Variants in KCNK13 observed in about 807,000 individuals in gnomAD.
The protein encoded by KCNK13 is potassium channel subfamily K member 13.
Under a neutral mutation model 23.4 loss-of-function variants are expected in KCNK13, and 12 were observed. That is an observed-to-expected ratio of 0.51 (90% confidence interval 0.33 to 0.83). KCNK13 has a LOEUF of 0.83. Ranked by LOEUF, KCNK13 falls within the 40% of genes least tolerant of loss-of-function variation. The pLI is 0.02. For synonymous variants in KCNK13, 231 were observed against 229.5 expected, an observed-to-expected ratio of 1.01 and a Z score of -0.06; for missense variants, 463 against 556.3, an observed-to-expected ratio of 0.83 and a Z score of 1.69.
chr14:90,143,514 C>T, intron 1 of KCNK13, among the ~76,000 whole-genome samples: 1 of 152,142 alleles, frequency 6.6e-6, no homozygotes, highest in African/African-American at 2.4e-5. Context: ...CTATTGCGTT[C>T]CACTGATGTA....
At chr14:90,165,557 A>C (rs563355236) in intron 1 of KCNK13, among the ~76,000 whole-genome samples, 1 of 152,360 alleles carries the variant, frequency 6.6e-6, no homozygotes, top group South Asian at 2.1e-4. Context: ...TTCATCGGTT[A>C]CATGCCTGTG....
At chr14:90,136,562 A>G (rs868525741) in intron 1 of KCNK13, among the ~76,000 whole-genome samples, 2 of 152,306 alleles carry the variant, frequency 1.3e-5, no homozygotes, top group South Asian at 2.1e-4. Context: ...GGTTTTATTG[A>G]AAGCAAAATA....
intron 1 of KCNK13, among the ~76,000 whole-genome samples, chr14:90,091,364 T>C: frequency 6.6e-6 from 1 of 152,170 alleles, no homozygotes; most frequent in African/African-American, 2.4e-5. Context: ...ATGAACTCTA[T>C]GGCTGGCTAA....
intron 1 of KCNK13, among the ~76,000 whole-genome samples, chr14:90,126,711 T>C (rs1889805977): frequency 1.3e-5 from 2 of 152,108 alleles, no homozygotes; most frequent in South Asian, 2.1e-4. Flanking sequence ...CCCTGGCTAA[T>C]TTTTATATTT....
chr14:90,135,274 A>G (rs1368706500), intron 1 of KCNK13, among the ~76,000 whole-genome samples: 1 of 152,180 alleles, frequency 6.6e-6, no homozygotes, highest in Non-Finnish European at 1.5e-5. Context: ...CAAAGGAAAG[A>G]GGGGAAGTGT....
intron 1 of KCNK13, among the ~76,000 whole-genome samples, chr14:90,109,618 G>T (rs901599914): frequency 1.3e-5 from 2 of 151,826 alleles, no homozygotes; most frequent in African/African-American, 4.8e-5. Flanking sequence ...CACCATGTTA[G>T]CCAGGAAGGT....
chr14:90,180,360 ACT>A (rs1274904604), intron 1 of KCNK13, among the ~76,000 whole-genome samples: 1 of 151,976 alleles, frequency 6.6e-6, no homozygotes, highest in Non-Finnish European at 1.5e-5. Flanking sequence ...GCCATCTTCA[ACT>A]CTCAGCATTA....
intron 1 of KCNK13, among the ~76,000 whole-genome samples, chr14:90,089,816 G>A (rs990612825): frequency 6.6e-6 from 1 of 152,252 alleles, no homozygotes; most frequent in African/African-American, 2.4e-5. Context: ...CCAAGGTACA[G>A]CTCAGGCTGT....
chr14:90,104,036 G>C (rs930801839), intron 1 of KCNK13, among the ~76,000 whole-genome samples: 4 of 152,136 alleles, frequency 2.6e-5, no homozygotes, highest in Non-Finnish European at 5.9e-5. Context: ...TGAAGACCCT[G>C]TCTTTCCTCT....
Position 90,062,280 on chromosome 14 carries a change from G to A in KCNK13, c.75G>A (p.Ala25=), listed in dbSNP as rs764550275. ...EDNARFLLLA[A]LIVLYLLGGA... ...ACGCGCGCTTTCTGCTGCTGGCCGCGCTCATCGTGCTCTACCTGCTGGGCG... is the reference window on the plus strand; with the variant it reads ...ACGCGCGCTTTCTGCTGCTGGCCGCACTCATCGTGCTCTACCTGCTGGGCG... Residue 25 remains alanine (A), a synonymous_variant, in exon 1 of 2, where the codon GCG becomes GCA. Coordinates refer to ENST00000282146, the MANE Select transcript of KCNK13 (RefSeq NM_022054.4). This position sits in a 1 kb window ranked among gnomAD's most constrained non-coding sequence, Gnocchi z 4.5. The A allele has an allele frequency of 3.2e-6, 5 of 1,558,820 alleles. No individual in the cohort carries two copies. The East Asian group carries it at 7.2e-5, about 22-fold the overall frequency.
chr14:90,078,716 A>AG (rs1889172683), intron 1 of KCNK13, among the ~76,000 whole-genome samples: 1 of 152,140 alleles, frequency 6.6e-6, no homozygotes, highest in South Asian at 2.1e-4. Flanking sequence ...TAATGGGTGA[A>AG]GACCGAGCTC....
chr14:90,162,402 G>C (rs1890261698), intron 1 of KCNK13, among the ~76,000 whole-genome samples: 1 of 152,176 alleles, frequency 6.6e-6, no homozygotes, highest in Non-Finnish European at 1.5e-5. Context: ...ACTAGCACAA[G>C]TCCAACAGGG....
intron 1 of KCNK13, among the ~76,000 whole-genome samples, chr14:90,094,740 C>G (rs991277442): frequency 6.7e-6 from 1 of 150,202 alleles, no homozygotes; most frequent in Non-Finnish European, 1.5e-5. Context: ...CTCCGCCTCC[C>G]GGGTTCACGC....
chr14:90,161,872 A>AT (rs1481479504), intron 1 of KCNK13, among the ~76,000 whole-genome samples: 1 of 152,206 alleles, frequency 6.6e-6, no homozygotes, highest in Non-Finnish European at 1.5e-5. Context: ...AAGAGCCCTC[A>AT]CAAGCATTAA....
chr14:90,158,742 G>A (rs565881742), intron 1 of KCNK13, among the ~76,000 whole-genome samples: 5 of 152,256 alleles, frequency 3.3e-5, no homozygotes, highest in Admixed American at 2.6e-4. Context: ...CATTGTCCTC[G>A]AGTCAAGGTC....
intron 1 of KCNK13, among the ~76,000 whole-genome samples, chr14:90,073,223 G>C (rs1889096557): frequency 6.6e-6 from 1 of 152,134 alleles, no homozygotes; most frequent in Admixed American, 6.6e-5. Flanking sequence ...GAAGTGGTCT[G>C]GTTAGCAGAA....
intron 1 of KCNK13, among the ~76,000 whole-genome samples, chr14:90,109,852 G>T (rs184639693): frequency 6.6e-6 from 1 of 152,078 alleles, no homozygotes; most frequent in Admixed American, 6.6e-5. Context: ...GAGATCACAG[G>T]CATGCACTAC....
At chr14:90,120,030 C>T (rs1333213705) in intron 1 of KCNK13, among the ~76,000 whole-genome samples, 1 of 152,066 alleles carries the variant, frequency 6.6e-6, no homozygotes, top group African/African-American at 2.4e-5. Context: ...AAGACTGGTA[C>T]TCAATAGTTA....
intron 1 of KCNK13, among the ~76,000 whole-genome samples, chr14:90,088,184 G>T (rs971878993): frequency 2.6e-5 from 4 of 151,936 alleles, no homozygotes; most frequent in Non-Finnish European, 5.9e-5. Flanking sequence ...TGTATTTGTA[G>T]TAGAGACAGG....
Sources: allele counts gnomAD v4.1 joint callset (sites outside exome capture counted in the v4.1 genomes callset), GRCh38; gene constraint gnomAD v4.1.1; non-coding constraint Gnocchi (gnomAD v3.1); transcripts MANE v1.5; gene names NCBI Gene and HGNC (gene_info 2026-07-23, HGNC 2026-07-21).